The following ABI1 variants were observed in gnomAD, a reference collection of about 807,000 sequenced individuals.
ABI1 encodes the protein abl interactor 1.
ABI1 carries 14 observed loss-of-function variants against 54.6 expected under a neutral mutation model. The ratio of observed to expected loss-of-function variants is 0.26; its 90% confidence interval spans 0.17 to 0.40. The LOEUF is 0.40. ABI1 is among the 10% of genes least tolerant of loss of function. The pLI is 1.00. For synonymous variants in ABI1, 194 were observed against 209.3 expected (o/e 0.93, Z 0.63); for missense variants, 443 against 598.3 (o/e 0.74, Z 2.71).
intron 3 of ABI1, among the ~76,000 whole-genome samples, chr10:26,773,215 C>CTTTTGTTTTTTTTTTTTTTTTTTTTTTTT (rs1840936115): frequency 1.1e-5 from 1 of 92,528 alleles, no homozygotes; most frequent in African/African-American, 4.5e-5. Flanking sequence ...AATGCTAATT[C>CTTTTGTTTTTTTTTTTTTTTTTTTTTTTT]TTTTTTTTTT....
intron 2 of ABI1, among the ~76,000 whole-genome samples, chr10:26,780,320 T>G (rs956061272): frequency 3.3e-5 from 5 of 152,088 alleles, no homozygotes; most frequent in Non-Finnish European, 5.9e-5. Context: ...TTCAAATTCT[T>G]GCACTCAAGC....
chr10:26,787,256 A>G (rs1244162479), intron 2 of ABI1, among the ~76,000 whole-genome samples: 1 of 152,184 alleles, frequency 6.6e-6, no homozygotes, highest in East Asian at 1.9e-4. Flanking sequence ...AAAATGAAAA[A>G]TGTGTACATC....
At chr10:26,821,053 G>A (rs183587906) in intron 2 of ABI1, among the ~76,000 whole-genome samples, 2 of 150,912 alleles carry the variant, frequency 1.3e-5, no homozygotes, top group African/African-American at 4.9e-5. Flanking sequence ...GACCAGCCTG[G>A]CCAACATGGT....
At chr10:26,843,127 G>T (rs1243245236) in intron 1 of ABI1, among the ~76,000 whole-genome samples, 2 of 151,932 alleles carry the variant, frequency 1.3e-5, no homozygotes, top group Admixed American at 6.6e-5. Flanking sequence ...AAGGAAAAAA[G>T]ATTATATGAT....
At chr10:26,837,170 G>A (rs1259071097) in intron 1 of ABI1, among the ~76,000 whole-genome samples, 1 of 152,112 alleles carries the variant, frequency 6.6e-6, no homozygotes, top group Non-Finnish European at 1.5e-5. Context: ...AGACTGCATG[G>A]CTTCAACAAG....
intron 2 of ABI1, among the ~76,000 whole-genome samples, chr10:26,816,951 C>T (rs10829073): frequency 0.15 from 22,424 of 150,556 alleles, 2,165 homozygotes; most frequent in African/African-American, 0.28. Flanking sequence ...AAACTAGGTT[C>T]TATTATATTT....
At chr10:26,818,631 C>CAAAAAAAAAAAAAAAAAAAAA (rs376157276) in intron 2 of ABI1, among the ~76,000 whole-genome samples, 5 of 73,090 alleles carry the variant, frequency 6.8e-5, no homozygotes, top group African/African-American at 2.8e-4. Flanking sequence ...GACCCCGTCA[C>CAAAAAAAAAAAAAAAAAAAAA]AAAAAAAAAA....
intron 10 of ABI1, 63 bp downstream of exon 10, chr10:26,751,535 A>G: frequency 6.6e-7 from 1 of 1,507,008 alleles, no homozygotes; most frequent in Non-Finnish European, 9.0e-7. Context: ...GATGTTCTTT[A>G]TAGTTCTAAA....
chr10:26,779,148 G>T (rs1841802440), intron 2 of ABI1, among the ~76,000 whole-genome samples: 1 of 152,194 alleles, frequency 6.6e-6, no homozygotes. Context: ...AAAGAATGCT[G>T]ATGGGGACAA....
intron 1 of ABI1, among the ~76,000 whole-genome samples, chr10:26,831,544 A>G (rs1217769305): frequency 6.6e-6 from 1 of 152,210 alleles, no homozygotes; most frequent in Non-Finnish European, 1.5e-5. Context: ...CTCTGTCTCA[A>G]AGGAAAAAAA....
chr10:26,852,408 G>A (rs1440928658), intron 1 of ABI1, among the ~76,000 whole-genome samples: 1 of 152,168 alleles, frequency 6.6e-6, no homozygotes, highest in Admixed American at 6.5e-5. Context: ...GAACCCAGGA[G>A]GCAGAAGTTG....
chr10:26,773,215 C>CTTTCTTTTTTTTTTTTTTTTTT (rs1840935726), intron 3 of ABI1, among the ~76,000 whole-genome samples: 1 of 92,528 alleles, frequency 1.1e-5, no homozygotes, highest in Non-Finnish European at 2.1e-5. Context: ...AATGCTAATT[C>CTTTCTTTTTTTTTTTTTTTTTT]TTTTTTTTTT....
At chr10:26,751,222 C>T (rs1369565176) in intron 10 of ABI1, among the ~76,000 whole-genome samples, 4 of 152,034 alleles carry the variant, frequency 2.6e-5, no homozygotes, top group Non-Finnish European at 5.9e-5. Context: ...AATCAGGGAC[C>T]GTCCATATTT....
intron 2 of ABI1, among the ~76,000 whole-genome samples, chr10:26,792,431 C>A (rs912931624): frequency 6.6e-6 from 1 of 151,954 alleles, no homozygotes; most frequent in African/African-American, 2.4e-5. Context: ...AGGTCAAAAT[C>A]CAAGCACAGG....
chr10:26,752,297 G>A (rs1182497472), intron 9 of ABI1, among the ~76,000 whole-genome samples: 3 of 152,200 alleles, frequency 2.0e-5, no homozygotes, highest in South Asian at 4.1e-4. Context: ...TGTTTGTTTT[G>A]ATGAAGAGAA....
intron 1 of ABI1, among the ~76,000 whole-genome samples, chr10:26,848,220 A>AG (rs557217985): frequency 2.4e-4 from 33 of 139,398 alleles, no homozygotes; most frequent in East Asian, 9.2e-4. Context: ...AAAAAAAAAA[A>AG]AAGAAGAAGA....
chr10:26,761,506 G>T (rs1304207819), intron 7 of ABI1, among the ~76,000 whole-genome samples: 1 of 149,788 alleles, frequency 6.7e-6, no homozygotes, highest in African/African-American at 2.5e-5. Context: ...TACAGCTCAA[G>T]AAATCGAATA....
chr10:26,777,597 CA>C (rs888081357), intron 2 of ABI1, among the ~76,000 whole-genome samples: 1 of 151,886 alleles, frequency 6.6e-6, no homozygotes, highest in Non-Finnish European at 1.5e-5. Flanking sequence ...GGCAACATGG[CA>C]AAACCCTGTC....
intron 10 of ABI1, among the ~76,000 whole-genome samples, chr10:26,749,155 AAC>A (rs1396235713): frequency 1.9e-4 from 29 of 152,348 alleles, no homozygotes; most frequent in Admixed American, 9.1e-4. Context: ...AATTTGAAAA[AAC>A]ACAGTTACTG....
Sources: gnomAD v4.1 joint callset for allele counts (sites outside exome capture counted in the v4.1 genomes callset) on GRCh38, gnomAD v4.1.1 for gene constraint, MANE v1.5 for transcripts, NCBI Gene and HGNC (gene_info 2026-07-23, HGNC 2026-07-21) for gene names.